Variants in JADE1 observed in about 807,000 individuals in gnomAD.
JADE1 encodes the protein protein Jade-1.
Under a neutral mutation model 81.8 loss-of-function variants are expected in JADE1, and 14 were observed. That is an observed-to-expected ratio of 0.17 (90% CI 0.11 to 0.27). JADE1 has a LOEUF of 0.27. Among genes scored for constraint, JADE1 ranks in the 10% least tolerant of loss-of-function variants. The pLI, the probability that JADE1 is intolerant of heterozygous loss-of-function variation, is 1.00. For synonymous variants in JADE1, 353 were observed against 391.9 expected, an observed-to-expected ratio of 0.90 and a Z score of 1.17; for missense variants, 690 against 1,047.9, an observed-to-expected ratio of 0.66 and a Z score of 4.71.
chr4:128,872,501 C>G lies in JADE1; in HGVS notation c.*239C>G, dbSNP rs1732269367. ...TTGTAACCATAAGACACTGCTAAGA[C>G]TAGAACCCGAACTGAACACTAAAAT... On this transcript the variant is annotated 3_prime_UTR_variant, in exon 11 of 11. Coordinates refer to ENST00000226319, the MANE Select transcript of JADE1 (RefSeq NM_199320.4). The G allele has an allele frequency of 1.8e-5, 9 of 493,958 alleles. No individual in the cohort carries two copies. The South Asian group carries it at 2.6e-4, about 14-fold the overall frequency. 30.6% of individuals were successfully genotyped at this position (493,958 alleles called of 1,614,324 possible).
chr4:128,825,382 G>A (rs866790359), intron 1 of JADE1, among the ~76,000 whole-genome samples: 4 of 152,230 alleles, frequency 2.6e-5, no homozygotes, highest in South Asian at 4.1e-4. Flanking sequence ...TGTCCATGAC[G>A]TTCTCATTCT....
At chr4:128,851,507 C>G (rs911581379) in intron 5 of JADE1, among the ~76,000 whole-genome samples, 1 of 152,112 alleles carries the variant, frequency 6.6e-6, no homozygotes, top group Admixed American at 6.5e-5. Flanking sequence ...TAAAATTTAC[C>G]TTTTGCTTTT....
intron 8 of JADE1, among the ~76,000 whole-genome samples, chr4:128,859,578 T>C (rs1731148263): frequency 6.6e-6 from 1 of 151,870 alleles, no homozygotes. Context: ...TATGCGTGTA[T>C]GTGTGAGTGT....
At chr4:128,827,484 T>G (rs1728178471) in intron 1 of JADE1, among the ~76,000 whole-genome samples, 1 of 152,136 alleles carries the variant, frequency 6.6e-6, no homozygotes, top group African/African-American at 2.4e-5. Context: ...AAGCAGAGTG[T>G]TCAGGGAAGA....
intron 7 of JADE1, among the ~76,000 whole-genome samples, chr4:128,856,260 T>C (rs1730786743): frequency 6.6e-6 from 1 of 152,300 alleles, no homozygotes; most frequent in Non-Finnish European, 1.5e-5. Flanking sequence ...CCTTTTTCCT[T>C]GAGGAAAAAC....
chr4:128,819,543 A>C (rs754772595), intron 1 of JADE1, among the ~76,000 whole-genome samples: 1 of 152,226 alleles, frequency 6.6e-6, no homozygotes, highest in African/African-American at 2.4e-5. Flanking sequence ...AGAGGGAGAT[A>C]ATGTCAAGTA....
At chr4:128,853,161 G>C (rs1579202137) in intron 6 of JADE1, among the ~76,000 whole-genome samples, 1 of 152,184 alleles carries the variant, frequency 6.6e-6, no homozygotes, top group East Asian at 1.9e-4. Flanking sequence ...CAGGTGTGAG[G>C]CACCGTGCCC....
intron 1 of JADE1, among the ~76,000 whole-genome samples, chr4:128,816,724 G>A (rs1221975652): frequency 6.6e-6 from 1 of 152,138 alleles, no homozygotes; most frequent in Non-Finnish European, 1.5e-5. Flanking sequence ...ACCAAATTTT[G>A]GTTACTCTAA....
chr4:128,820,815 G>A (rs1416267397), intron 1 of JADE1, among the ~76,000 whole-genome samples: 1 of 152,108 alleles, frequency 6.6e-6, no homozygotes, highest in Non-Finnish European at 1.5e-5. Context: ...ATTTCAATCT[G>A]TGCACAGTGT....
intron 2 of JADE1, among the ~76,000 whole-genome samples, chr4:128,839,502 A>G (rs1729251879): frequency 6.6e-6 from 1 of 152,208 alleles, no homozygotes; most frequent in Non-Finnish European, 1.5e-5. Context: ...GTGTACTTTG[A>G]TACGTTTTGA....
At position 128,828,860 on chromosome 4, in the gene JADE1, G is replaced by A. The variant is rs573271051; in HGVS notation, c.-26-2873G>A. Among the ~76,000 whole-genome samples, 11 of 152,042 alleles carry A rather than the reference G, an allele frequency of 7.2e-5. No individual in the cohort carries two copies. In the East Asian group the frequency reaches 1.7e-3, roughly 24 times the overall value. On this transcript the variant is annotated intron_variant, in intron 1 of 10. Coordinates refer to ENST00000226319, the MANE Select transcript of JADE1 (RefSeq NM_199320.4). The stretch of plus-strand genomic sequence containing the variant: ...GGGGTCTCCCTGTGTTGCCCACTCC[G>A]GTCTCAACTCCTAGGTTCAAGCAGT...
At chr4:128,814,907 A>G (rs1018741317) in intron 1 of JADE1, among the ~76,000 whole-genome samples, 2 of 151,740 alleles carry the variant, frequency 1.3e-5, no homozygotes, top group Non-Finnish European at 2.9e-5. Context: ...GTTAGTTTTA[A>G]TATAATCTAT....
intron 2 of JADE1, among the ~76,000 whole-genome samples, chr4:128,832,502 T>TAA (rs1176307709): frequency 6.6e-6 from 1 of 152,206 alleles, no homozygotes; most frequent in Non-Finnish European, 1.5e-5. Context: ...CCCGTTAGCT[T>TAA]ATGTTTTACA....
intron 7 of JADE1, among the ~76,000 whole-genome samples, chr4:128,856,574 C>G (rs1031362662): frequency 3.3e-5 from 5 of 152,154 alleles, no homozygotes; most frequent in Admixed American, 3.3e-4. Context: ...TATTTAAACT[C>G]TTATTGTGCC....
intron 1 of JADE1, among the ~76,000 whole-genome samples, chr4:128,822,493 A>C (rs938887191): frequency 1.3e-5 from 2 of 151,882 alleles, no homozygotes; most frequent in East Asian, 3.9e-4. Flanking sequence ...CGGGTGGATC[A>C]CCTGAGGTCA....
chr4:128,862,916 G>C, intron 9 of JADE1: 1 of 980,010 alleles, frequency 1.0e-6, no homozygotes, highest in Non-Finnish European at 1.2e-6. Flanking sequence ...GTGTGTGTGC[G>C]CGTGCCCGTG....
At position 128,873,929 on chromosome 4, in the gene JADE1, G is replaced by A. The variant is rs943198497; in HGVS notation, c.*1667G>A. ...TATCAGATGATCAAATAGTAGATCTGATACATCCCCATTGTATGTACGACA... is the reference window on the plus strand; with the variant it reads ...TATCAGATGATCAAATAGTAGATCTAATACATCCCCATTGTATGTACGACA... On this transcript the variant is annotated 3_prime_UTR_variant, in exon 11 of 11. Transcript: ENST00000226319. The A allele has an allele frequency of 6.6e-6, 1 of 152,602 alleles. No individual in the cohort carries two copies. Among genetic ancestry groups the A allele is most frequent in the Non-Finnish European group, 1.5e-5 (1 of 68,042 alleles). The allele number at this position is 152,602 out of a possible 1,614,324, so 9.5% of individuals were successfully genotyped here. A position where few individuals can be genotyped will look rare whatever the true frequency, so the allele number is the denominator to read the frequency against.
At chr4:128,816,661 G>A (rs963275682) in intron 1 of JADE1, among the ~76,000 whole-genome samples, 1 of 152,158 alleles carries the variant, frequency 6.6e-6, no homozygotes, top group Non-Finnish European at 1.5e-5. Context: ...GTATTTTTAC[G>A]TTTAATCCCT....
intron 9 of JADE1, among the ~76,000 whole-genome samples, chr4:128,865,243 T>A (rs1731698771): frequency 1.3e-5 from 2 of 152,142 alleles, no homozygotes; most frequent in South Asian, 4.1e-4. Context: ...TTTAGATGTC[T>A]TAGAGCAGTG....
Sources: allele counts gnomAD v4.1 joint callset (sites outside exome capture counted in the v4.1 genomes callset), GRCh38; gene constraint gnomAD v4.1.1; transcripts MANE v1.5; gene names NCBI Gene and HGNC (gene_info 2026-07-23, HGNC 2026-07-21).